Variants in RSBN1L observed in about 807,000 individuals in gnomAD.
The protein encoded by RSBN1L is round spermatid basic protein 1 like.
In RSBN1L, 30 loss-of-function variants were observed where a neutral mutation model predicts 67.7. The observed-to-expected ratio is 0.44, with a 90% CI of 0.33 to 0.60. The LOEUF is 0.60. RSBN1L is among the 20% of genes least tolerant of loss of function. The pLI, the probability that RSBN1L is intolerant of heterozygous loss-of-function variation, is 0.02. For synonymous variants in RSBN1L, 433 were observed against 387.0 expected (o/e 1.12, Z -1.39); for missense variants, 992 against 1,031.7 (o/e 0.96, Z 0.53).
At chr7:77,757,325 C>G (rs1425885354) in intron 3 of RSBN1L, among the ~76,000 whole-genome samples, 6 of 152,158 alleles carry the variant, frequency 3.9e-5, no homozygotes, top group Non-Finnish European at 1.5e-5. Flanking sequence ...TTTCCATCTT[C>G]ATCTGTATCC....
At position 77,729,915 on chromosome 7, in the gene RSBN1L, C is replaced by G. The variant is rs539250575; in HGVS notation, c.587-6495C>G. 2.6e-5 allele frequency among the ~76,000 whole-genome samples: 4 copies of G among 152,284 alleles called. No individual in the cohort carries two copies. In the South Asian group the frequency reaches 6.2e-4, roughly 24 times the overall value. On this transcript the variant is annotated intron_variant, in intron 1 of 7. Coordinates refer to ENST00000334955, the MANE Select transcript of RSBN1L (RefSeq NM_198467.3). ...GCTGCAGTGAGCTGTGGTCATGCCA[C>G]TGCACTCCAGTCCATGTGACAGAGC...
intron 1 of RSBN1L, among the ~76,000 whole-genome samples, chr7:77,701,372 A>G (rs1215159328): frequency 2.0e-5 from 3 of 151,434 alleles, no homozygotes; most frequent in Non-Finnish European, 4.4e-5. Context: ...TTCTTCCTTC[A>G]TTTTGGATTT....
intron 2 of RSBN1L, among the ~76,000 whole-genome samples, chr7:77,742,180 A>ATGCACAC (rs60910312): frequency 1.2e-5 from 1 of 82,178 alleles, no homozygotes; most frequent in Non-Finnish European, 2.3e-5. Context: ...AAAAAAAAAA[A>ATGCACAC]ATACACACAC....
chr7:77,739,003 A>G (rs1270195002), intron 2 of RSBN1L, among the ~76,000 whole-genome samples: 1 of 152,190 alleles, frequency 6.6e-6, no homozygotes, highest in Non-Finnish European at 1.5e-5. Flanking sequence ...TGTGTAGTAC[A>G]TAGATAATTA....
chr7:77,771,303 G>A (rs576221256), intron 5 of RSBN1L, among the ~76,000 whole-genome samples: 31 of 152,188 alleles, frequency 2.0e-4, no homozygotes, highest in African/African-American at 7.5e-4. Flanking sequence ...TACTGGTTAC[G>A]GTGATTATTA....
intron 1 of RSBN1L, among the ~76,000 whole-genome samples, chr7:77,726,905 C>T (rs1362566762): frequency 6.6e-6 from 1 of 150,888 alleles, no homozygotes; most frequent in Non-Finnish European, 1.5e-5. Flanking sequence ...CCTTGGCCTC[C>T]CAAAATGCTG....
chr7:77,712,455 A>G (rs1790988022), intron 1 of RSBN1L, among the ~76,000 whole-genome samples: 1 of 151,844 alleles, frequency 6.6e-6, no homozygotes, highest in African/African-American at 2.4e-5. Flanking sequence ...TAATTTTTGT[A>G]TATTTGTGGA....
At chr7:77,709,804 T>C (rs1790949131) in intron 1 of RSBN1L, among the ~76,000 whole-genome samples, 1 of 152,226 alleles carries the variant, frequency 6.6e-6, no homozygotes, top group African/African-American at 2.4e-5. Context: ...TGTCCATTGT[T>C]AGCACTCCTC....
chr7:77,739,768 T>TTTTTTA (rs1791384857), intron 2 of RSBN1L, among the ~76,000 whole-genome samples: 1 of 101,986 alleles, frequency 9.8e-6, no homozygotes, highest in African/African-American at 3.8e-5. Flanking sequence ...TTTTTTTTTT[T>TTTTTTA]GAGAGGAGTC....
rs1196528171 is a variant in RSBN1L at position 77,741,568 on chromosome 7, T to C, written c.703+5042T>C. 2.0e-5 allele frequency among the ~76,000 whole-genome samples: 3 copies of C among 151,760 alleles called. 1 individual carries two copies. The highest frequency in any genetic ancestry group is 6.8e-3 in the Middle Eastern group (2 of 294). On this transcript the variant is annotated intron_variant, in intron 2 of 7. Coordinates refer to ENST00000334955, the MANE Select transcript of RSBN1L (RefSeq NM_198467.3). ...TTAGCTGGGCGTGGTGGCAGGCACC[T>C]GTAGTCCCAGCTACTCGGGAGGCTG...
At chr7:77,747,029 G>A (rs1791493378) in intron 2 of RSBN1L, among the ~76,000 whole-genome samples, 1 of 152,162 alleles carries the variant, frequency 6.6e-6, no homozygotes, top group Non-Finnish European at 1.5e-5. Context: ...TCAAGTGCGT[G>A]GTGCAAGCTT....
chr7:77,705,509 G>GTTT (rs1562792996), intron 1 of RSBN1L, among the ~76,000 whole-genome samples: 1 of 82,706 alleles, frequency 1.2e-5, no homozygotes, highest in African/African-American at 7.6e-5. Flanking sequence ...CCATTGTAAT[G>GTTT]GTTTTTTTTT....
intron 2 of RSBN1L, among the ~76,000 whole-genome samples, chr7:77,738,126 C>T (rs1334060365): frequency 6.6e-6 from 1 of 150,898 alleles, no homozygotes; most frequent in African/African-American, 2.4e-5. Flanking sequence ...TTTTCTTATT[C>T]ATTTGAAAAT....
chr7:77,762,380 C>T (rs771985618), intron 3 of RSBN1L, among the ~76,000 whole-genome samples: 16 of 152,140 alleles, frequency 1.1e-4, no homozygotes, highest in Admixed American at 7.9e-4. Flanking sequence ...GGGGAAAAAT[C>T]GGTTTTTGAT....
In RSBN1L at chr7:77,755,013, A is replaced by T. The variant is rs78039152; in HGVS notation, c.1344+4949A>T. ...ATATATATATTCACAAAATATAGTG[A>T]AACTGTATATTTTGGTGGTGTCAAG... On this transcript the variant is annotated intron_variant, in intron 3 of 7. Coordinates refer to ENST00000334955, the MANE Select transcript of RSBN1L (RefSeq NM_198467.3). 2.0e-4 allele frequency among the ~76,000 whole-genome samples: 31 copies of T among 152,324 alleles called. No individual in the cohort carries two copies. In the East Asian group the frequency reaches 5.4e-3, roughly 27 times the overall value.
At chr7:77,728,440 A>T (rs1791234214) in intron 1 of RSBN1L, among the ~76,000 whole-genome samples, 3 of 152,018 alleles carry the variant, frequency 2.0e-5, no homozygotes, top group African/African-American at 7.2e-5. Flanking sequence ...TAATCTGTTT[A>T]TTTTTTACTT....
chr7:77,743,589 C>T (rs6945958), intron 2 of RSBN1L, among the ~76,000 whole-genome samples: 87,264 of 151,172 alleles, frequency 0.58, 26,973 homozygotes, highest in African/African-American at 0.81. Context: ...TGTCTCTGTT[C>T]TATTTCAAAC....
chr7:77,736,157 G>C (rs935128078), intron 1 of RSBN1L, among the ~76,000 whole-genome samples: 3 of 151,956 alleles, frequency 2.0e-5, no homozygotes, highest in Non-Finnish European at 4.4e-5. Flanking sequence ...TTAATATTTT[G>C]GTTGACACGA....
intron 5 of RSBN1L, among the ~76,000 whole-genome samples, chr7:77,771,511 CT>C (rs10630112): frequency 1.0e-3 from 139 of 136,082 alleles, no homozygotes; most frequent in Non-Finnish European, 9.3e-4. Flanking sequence ...CTCAGCGACT[CT>C]TTTTTTTTTT....
Sources: gnomAD v4.1 joint callset for allele counts (sites outside exome capture counted in the v4.1 genomes callset) on GRCh38, gnomAD v4.1.1 for gene constraint, MANE v1.5 for transcripts, NCBI Gene and HGNC (gene_info 2026-07-23, HGNC 2026-07-21) for gene names.